The following TRIO variants were observed in gnomAD, a reference collection of about 807,000 sequenced individuals.
The protein encoded by TRIO is trio Rho guanine nucleotide exchange factor.
In TRIO, 58 loss-of-function variants were observed where a neutral mutation model predicts 351.9. That is an observed-to-expected ratio of 0.16 (90% CI 0.13 to 0.21). The LOEUF (loss-of-function observed/expected upper bound fraction) is 0.21, where lower values mean the gene tolerates loss of function less well. Ranked by LOEUF, TRIO falls within the 10% of genes least tolerant of loss-of-function variation. TRIO has a pLI of 1.00. For missense variants in TRIO, 3,201 were observed against 4,027.8 expected, an observed-to-expected ratio of 0.79 and a Z score of 5.56; for synonymous variants, 1,758 against 1,595.7, an observed-to-expected ratio of 1.10 and a Z score of -2.42.
At chr5:14,259,734 G>A (rs1311824694) in intron 1 of TRIO, among the ~76,000 whole-genome samples, 1 of 151,858 alleles carries the variant, frequency 6.6e-6, no homozygotes, top group Non-Finnish European at 1.5e-5. Context: ...CAAATTAACT[G>A]TAGATTGCAT....
chr5:14,238,491 C>T (rs1365706439), intron 1 of TRIO, among the ~76,000 whole-genome samples: 1 of 152,164 alleles, frequency 6.6e-6, no homozygotes, highest in Non-Finnish European at 1.5e-5. Flanking sequence ...CCTCCTGGGT[C>T]CCTGTGGGCC....
intron 1 of TRIO, among the ~76,000 whole-genome samples, chr5:14,243,224 G>A (rs1157681049): frequency 2.6e-5 from 4 of 151,892 alleles, no homozygotes; most frequent in Admixed American, 2.0e-4. Flanking sequence ...CCATGTCCTG[G>A]TCCCTGCCTC....
intron 1 of TRIO, among the ~76,000 whole-genome samples, chr5:14,194,929 A>G (rs1009040079): frequency 1.3e-5 from 2 of 152,194 alleles, no homozygotes; most frequent in African/African-American, 4.8e-5. Flanking sequence ...TTGCACATGT[A>G]TCACCTAGAT....
At chr5:14,481,373 G>T (rs1037295422) in intron 44 of TRIO, 89 bp downstream of exon 44, 5 of 1,560,702 alleles carry the variant, frequency 3.2e-6, no homozygotes, top group Middle Eastern at 1.7e-4. Context: ...TCTGGCCCTG[G>T]GAGGGGGTCA....
chr5:14,187,937 ATCTTTATTGCG>A (rs1790224567), intron 1 of TRIO, among the ~76,000 whole-genome samples: 1 of 152,178 alleles, frequency 6.6e-6, no homozygotes, highest in South Asian at 2.1e-4. Context: ...CACCGAGCCA[ATCTTTATTGCG>A]TGAGAAGCAG....
rs955930142 is a variant in TRIO at position 14,421,150 on chromosome 5, A to G, written c.5203+1129A>G. ...TTCTTAATGAGCAAGACCTGCTGTG[A>G]ACTTATGCCAGCCAGTGGTTAGGGG... On this transcript the variant is annotated intron_variant, in intron 34 of 56. Transcript: ENST00000344204. Among the ~76,000 whole-genome samples, 3 of 152,036 alleles carry G rather than the reference A, an allele frequency of 2.0e-5. No homozygotes were observed. In the East Asian group the frequency reaches 5.8e-4, roughly 29 times the overall value.
At chr5:14,212,373 A>G (rs1200489832) in intron 1 of TRIO, among the ~76,000 whole-genome samples, 3 of 152,080 alleles carry the variant, frequency 2.0e-5, no homozygotes, top group African/African-American at 7.2e-5. Flanking sequence ...GCAGCTCCCC[A>G]GGGCTCCTCT....
chr5:14,256,771 T>C (rs1795043473), intron 1 of TRIO, among the ~76,000 whole-genome samples: 1 of 152,262 alleles, frequency 6.6e-6, no homozygotes, highest in African/African-American at 2.4e-5. Context: ...TTTGGAGGTT[T>C]TGAAGGTGTT....
intron 1 of TRIO, among the ~76,000 whole-genome samples, chr5:14,145,863 G>T (rs1399159044): frequency 6.6e-6 from 1 of 152,210 alleles, no homozygotes; most frequent in Non-Finnish European, 1.5e-5. Flanking sequence ...GCTTAGGCCT[G>T]TGCTGCCCCC....
chr5:14,297,047 C>A, intron 6 of TRIO, 25 bp from the exon 7 acceptor site: 1 of 1,596,638 alleles, frequency 6.3e-7, no homozygotes, highest in South Asian at 1.1e-5. Flanking sequence ...CCCTAAGGAG[C>A]CCTCTTTTCC....
chr5:14,479,811 T>G, intron 42 of TRIO, 108 bp from the exon 43 acceptor site: 1 of 980,344 alleles, frequency 1.0e-6, no homozygotes, highest in Non-Finnish European at 1.5e-6. Context: ...CTTTTTTTCC[T>G]CGTTACTTTT....
At chr5:14,450,283 T>G (rs2126421941) in intron 34 of TRIO, among the ~76,000 whole-genome samples, 1 of 152,356 alleles carries the variant, frequency 6.6e-6, no homozygotes, top group South Asian at 2.1e-4. Flanking sequence ...GTTCTCATTT[T>G]CATAATTCAC....
intron 1 of TRIO, among the ~76,000 whole-genome samples, chr5:14,269,403 C>CT (rs1795863191): frequency 6.6e-6 from 1 of 152,238 alleles, no homozygotes; most frequent in African/African-American, 2.4e-5. Flanking sequence ...TGTTTGCCTG[C>CT]TTTAGCAGGC....
At chr5:14,303,234 G>A (rs13179045) in intron 7 of TRIO, among the ~76,000 whole-genome samples, 304 of 98,250 alleles carry the variant, frequency 3.1e-3, no homozygotes, top group African/African-American at 9.1e-3. Context: ...AGATTGAGCC[G>A]GGATTGGGAT....
chr5:14,430,030 A>C (rs1002415561), intron 34 of TRIO, among the ~76,000 whole-genome samples: 2 of 152,122 alleles, frequency 1.3e-5, no homozygotes, highest in African/African-American at 4.8e-5. Flanking sequence ...GTTCACTGAT[A>C]TATACAGCGC....
chr5:14,260,459 A>C (rs905783374), intron 1 of TRIO, among the ~76,000 whole-genome samples: 5 of 152,248 alleles, frequency 3.3e-5, no homozygotes, highest in African/African-American at 7.2e-5. Context: ...AGTACCATGC[A>C]TAAATATGTA....
rs201376157 is a variant in TRIO at position 14,390,194 on chromosome 5, C to T, written c.4059-37C>T. On this transcript the variant is annotated intron_variant, in intron 25 of 56. Transcript: ENST00000344204. Reference sequence around the variant, plus strand: ...ATCTCACTAGTAAAATGTTTTAAAACACCTTTGTAATATGATACCATTTTT... The same window carrying T: ...ATCTCACTAGTAAAATGTTTTAAAATACCTTTGTAATATGATACCATTTTT... The T allele has an allele frequency of 3.1e-6, 5 of 1,596,154 alleles. No homozygotes were observed. The East Asian group carries it at 8.9e-5, about 29-fold the overall frequency.
rs1259367928 is a variant in TRIO at position 14,487,661 on chromosome 5, G to T, written c.7033G>T (p.Val2345Phe). 2.2e-6 allele frequency: 3 copies of T among 1,366,164 alleles called. No homozygotes were observed. The highest frequency in any genetic ancestry group is 3.2e-5 in the East Asian group (1 of 31,008). 84.6% of individuals were successfully genotyped at this position (1,366,164 alleles called of 1,614,324 possible). A position where few individuals can be genotyped will look rare whatever the true frequency, so the allele number is the denominator to read the frequency against. Residue 2345 changes from valine to phenylalanine, a missense_variant, in exon 48 of 57, where the codon GTC becomes TTC. Physicochemically the swap from Val to Phe is conservative, Grantham distance 50. Around this residue, in one of 19 missense-constraint regions of TRIO, gnomAD observed 1,089 missense variants for 954.9 expected, o/e 1.14. Coordinates refer to ENST00000344204, the MANE Select transcript of TRIO (RefSeq NM_007118.4). ...CCGGCCCTCCCGGATCCCCCAGCCTGTCCGACACCACCCCCCCGTGCTGGT... is the reference window on the plus strand; with the variant it reads ...CCGGCCCTCCCGGATCCCCCAGCCTTTCCGACACCACCCCCCCGTGCTGGT... ...RSRPSRIPQPVRHHPPVLVSS... is the reference protein window; with the variant it reads ...RSRPSRIPQPFRHHPPVLVSS...
At chr5:14,156,295 A>C (rs1788099100) in intron 1 of TRIO, among the ~76,000 whole-genome samples, 1 of 152,124 alleles carries the variant, frequency 6.6e-6, no homozygotes, top group Non-Finnish European at 1.5e-5. Context: ...CCCTTGGAGA[A>C]ATGGTTCATT....
Sources: gnomAD v4.1 joint callset for allele counts (sites outside exome capture counted in the v4.1 genomes callset) on GRCh38, gnomAD v4.1.1 for gene constraint, gnomAD v4.1.1 regional missense constraint, MANE v1.5 for transcripts, NCBI Gene and HGNC (gene_info 2026-07-23, HGNC 2026-07-21) for gene names.